LINGO2: variants seen among roughly 807,000 people sequenced by gnomAD.
LINGO2 encodes leucine rich repeat and Ig domain containing 2.
A neutral mutation model predicts 30.6 loss-of-function variants in LINGO2; 14 were observed. The ratio of observed to expected loss-of-function variants is 0.46; its 90% confidence interval spans 0.30 to 0.72. The LOEUF (loss-of-function observed/expected upper bound fraction) is 0.72, where lower values mean the gene tolerates loss of function less well. Among genes scored for constraint, LINGO2 ranks in the 30% least tolerant of loss-of-function variants. The pLI is 0.07. For missense variants in LINGO2, 729 were observed against 751.7 expected (o/e 0.97, Z 0.35); for synonymous variants, 317 against 288.5 (o/e 1.10, Z -1.00).
the LINGO2 span, among the ~76,000 whole-genome samples, chr9:29,160,712 A>C: frequency 6.6e-6 from 1 of 152,228 alleles, no homozygotes; most frequent in African/African-American, 2.4e-5. Context: ...TTTTCTCCTA[A>C]AGAATAGAGA....
At chr9:28,136,710 C>T (rs1827527715) in intron 4 of LINGO2, among the ~76,000 whole-genome samples, 1 of 152,130 alleles carries the variant, frequency 6.6e-6, no homozygotes, top group Non-Finnish European at 1.5e-5. Flanking sequence ...TACCATATCC[C>T]ATAATGTAGT....
the LINGO2 span, among the ~76,000 whole-genome samples, chr9:29,063,013 C>T: frequency 6.6e-6 from 1 of 152,104 alleles, no homozygotes; most frequent in Non-Finnish European, 1.5e-5. Flanking sequence ...TATCTAGAAG[C>T]TGGCAATTCT....
intron 3 of LINGO2, among the ~76,000 whole-genome samples, chr9:28,334,778 G>A (rs2134360405): frequency 6.6e-6 from 1 of 152,252 alleles, no homozygotes; most frequent in African/African-American, 2.4e-5. Flanking sequence ...CCACAGTCAT[G>A]AACCTGAAAT....
chr9:28,025,590 A>G (rs996509557), intron 4 of LINGO2, among the ~76,000 whole-genome samples: 6 of 152,192 alleles, frequency 3.9e-5, no homozygotes, highest in Admixed American at 3.9e-4. Flanking sequence ...TTTTCTCAAA[A>G]GGAGTCAAGG....
At chr9:28,150,860 G>A (rs988237502) in intron 4 of LINGO2, among the ~76,000 whole-genome samples, 2 of 152,124 alleles carry the variant, frequency 1.3e-5, no homozygotes, top group Non-Finnish European at 2.9e-5. Context: ...CTTCCTAAGT[G>A]GTAAAAATCT....
intron 4 of LINGO2, among the ~76,000 whole-genome samples, chr9:28,033,284 A>C (rs185877206): frequency 6.0e-4 from 91 of 152,256 alleles, no homozygotes; most frequent in African/African-American, 2.1e-3. Flanking sequence ...TACATTCCAG[A>C]GTCAAAAGAA....
At chr9:29,094,259 T>A in the LINGO2 span, among the ~76,000 whole-genome samples, 3 of 138,814 alleles carry the variant, frequency 2.2e-5, 1 homozygote, top group Admixed American at 2.2e-4. Context: ...AGAACAGAGG[T>A]GATTTAACCC....
the LINGO2 span, among the ~76,000 whole-genome samples, chr9:28,884,992 T>TA: frequency 1.6e-3 from 7 of 4,484 alleles, no homozygotes; most frequent in African/African-American, 5.4e-3. Context: ...TATATAATAA[T>TA]ATATTATATA....
chr9:28,517,813 T>C (rs1330071589), intron 1 of LINGO2, among the ~76,000 whole-genome samples: 1 of 152,158 alleles, frequency 6.6e-6, no homozygotes, highest in African/African-American at 2.4e-5. Context: ...AGAAGCCTAT[T>C]TTCCCCAATA....
At chr9:28,929,660 A>G in the LINGO2 span, among the ~76,000 whole-genome samples, 136,318 of 152,180 alleles carry the variant, frequency 0.9, 61,341 homozygotes, top group Non-Finnish European at 0.94. Flanking sequence ...TCTTTCCCCC[A>G]TGACATCATG....
Position 28,433,966 on chromosome 9 carries a change from T to TAC in LINGO2, c.-279+41972_-279+41973dup, listed in dbSNP as rs757972811. On this transcript the variant is annotated intron_variant, in intron 2 of 5. Transcript: ENST00000379992. ...CTCTCTCTCTATATATATATATATATACACACACACACATGAAAATACTAC... is the reference window on the plus strand; with the variant it reads ...CTCTCTCTCTATATATATATATATATACACACACACACACATGAAAATACTAC... Among the ~76,000 whole-genome samples the TAC allele has an allele frequency of 3.6e-4, 36 of 100,048 alleles. 2 individuals are homozygous for TAC. The highest frequency in any genetic ancestry group is 1.4e-3 in the South Asian group (4 of 2,960). 65.6% of individuals were successfully genotyped at this position (100,048 alleles called of 152,430 possible). A position where few individuals can be genotyped will look rare whatever the true frequency, so the allele number is the denominator to read the frequency against.
the LINGO2 span, among the ~76,000 whole-genome samples, chr9:28,929,338 T>C: frequency 2.2e-4 from 33 of 152,114 alleles, no homozygotes; most frequent in Non-Finnish European, 4.4e-4. Context: ...TGCTAATGCA[T>C]AGGAGGGATA....
At chr9:28,495,769 A>C (rs10968617) in intron 1 of LINGO2, among the ~76,000 whole-genome samples, 28,545 of 151,854 alleles carry the variant, frequency 0.19, 3,170 homozygotes, top group East Asian at 0.4. Context: ...AATTTTAGAT[A>C]TTTCCTGCTT....
At chr9:29,011,666 T>C in the LINGO2 span, among the ~76,000 whole-genome samples, 1 of 152,198 alleles carries the variant, frequency 6.6e-6, no homozygotes, top group Admixed American at 6.6e-5. Flanking sequence ...TGGCCACTGA[T>C]TACTGACCAG....
chr9:28,848,393 G>GTATATATA, the LINGO2 span, among the ~76,000 whole-genome samples: 70 of 67,186 alleles, frequency 1.0e-3, no homozygotes, highest in Non-Finnish European at 1.3e-3. Flanking sequence ...GTGTGTGTGT[G>GTATATATA]TGTGTATATA....
At chr9:28,745,512 C>A in the LINGO2 span, among the ~76,000 whole-genome samples, 4 of 152,104 alleles carry the variant, frequency 2.6e-5, no homozygotes, top group African/African-American at 9.6e-5. Flanking sequence ...TTTACATGTG[C>A]AGTTTGTTCT....
At chr9:28,322,896 G>A (rs987481079) in intron 3 of LINGO2, among the ~76,000 whole-genome samples, 1 of 152,154 alleles carries the variant, frequency 6.6e-6, no homozygotes, top group Non-Finnish European at 1.5e-5. Flanking sequence ...AGCTGAATAT[G>A]TTAAGAAAAT....
At chr9:28,631,476 T>C (rs1376950520) in intron 1 of LINGO2, among the ~76,000 whole-genome samples, 1 of 152,148 alleles carries the variant, frequency 6.6e-6, no homozygotes, top group Non-Finnish European at 1.5e-5. Context: ...GCTAGCCACT[T>C]TTCCCAGCAC....
intron 3 of LINGO2, among the ~76,000 whole-genome samples, chr9:28,358,744 T>C (rs1418467898): frequency 1.3e-5 from 2 of 152,212 alleles, no homozygotes; most frequent in African/African-American, 4.8e-5. Context: ...AAGCACTACA[T>C]ACCTGGCACT....
Sources: allele counts gnomAD v4.1 joint callset (sites outside exome capture counted in the v4.1 genomes callset), GRCh38; gene constraint gnomAD v4.1.1; transcripts MANE v1.5; gene names NCBI Gene and HGNC (gene_info 2026-07-23, HGNC 2026-07-21).